Variants in SYT14 observed in about 807,000 individuals in gnomAD.
The protein encoded by SYT14 is synaptotagmin-14.
Under a neutral mutation model 74.2 loss-of-function variants are expected in SYT14, and 32 were observed. The observed-to-expected ratio is 0.43, with a 90% CI of 0.33 to 0.58. The LOEUF is 0.58. Among genes scored for constraint, SYT14 ranks in the 20% least tolerant of loss-of-function variants. SYT14 has a pLI of 0.05. For synonymous variants in SYT14, 298 were observed against 337.7 expected, an observed-to-expected ratio of 0.88 and a Z score of 1.29; for missense variants, 791 against 981.8, an observed-to-expected ratio of 0.81 and a Z score of 2.60.
chr1:210,118,408 A>AT (rs1359225310), intron 7 of SYT14, among the ~76,000 whole-genome samples: 1 of 152,080 alleles, frequency 6.6e-6, no homozygotes, highest in Non-Finnish European at 1.5e-5. Flanking sequence ...AATTATATAT[A>AT]TTTAAGGAAG....
At chr1:209,976,265 T>C (rs1572096666) in intron 2 of SYT14, among the ~76,000 whole-genome samples, 1 of 149,610 alleles carries the variant, frequency 6.7e-6, no homozygotes, top group Non-Finnish European at 1.5e-5. Flanking sequence ...GTGTTTGCTC[T>C]TGCTTCTCTA....
intron 7 of SYT14, among the ~76,000 whole-genome samples, chr1:210,128,215 A>G (rs1241449734): frequency 6.6e-6 from 1 of 152,034 alleles, no homozygotes; most frequent in South Asian, 2.1e-4. Flanking sequence ...TCTACAAAAA[A>G]TGTTTTAAAA....
chr1:210,049,035 G>C (rs2080938995), intron 5 of SYT14, among the ~76,000 whole-genome samples: 1 of 152,216 alleles, frequency 6.6e-6, no homozygotes, highest in Non-Finnish European at 1.5e-5. Flanking sequence ...CAAGGGGTGG[G>C]TTCCTGTGGT....
At chr1:210,010,078 G>T (rs933199363) in intron 2 of SYT14, among the ~76,000 whole-genome samples, 1 of 152,100 alleles carries the variant, frequency 6.6e-6, no homozygotes, top group African/African-American at 2.4e-5. Context: ...CTTAGTTTAA[G>T]AACTGAAGAT....
At chr1:210,135,174 G>GT (rs953111876) in intron 7 of SYT14, among the ~76,000 whole-genome samples, 9 of 152,032 alleles carry the variant, frequency 5.9e-5, no homozygotes, top group Non-Finnish European at 1.0e-4. Flanking sequence ...TAGAGACAGG[G>GT]TTTTGCCATG....
chr1:210,051,571 G>GTGTTT (rs2080997033), intron 5 of SYT14, among the ~76,000 whole-genome samples: 1 of 151,888 alleles, frequency 6.6e-6, no homozygotes, highest in South Asian at 2.1e-4. Context: ...TATCATTCCT[G>GTGTTT]TGTTTTGTTT....
At chr1:209,987,501 TAAAC>T (rs1472041780) in intron 2 of SYT14, among the ~76,000 whole-genome samples, 2 of 152,274 alleles carry the variant, frequency 1.3e-5, no homozygotes, top group Non-Finnish European at 2.9e-5. Context: ...GCTACACACT[TAAAC>T]AATCAGATCT....
At chr1:210,162,248 G>A (rs1307298786) in exon 10 of SYT14, 2 of 427,988 alleles carry the variant, frequency 4.7e-6, no homozygotes, top group Non-Finnish European at 9.4e-6. Flanking sequence ...TTTCATGTAA[G>A]TTAAATTTGC....
At chr1:209,952,801 T>G (rs1429812725) in intron 2 of SYT14, 45 bp downstream of exon 2, 3 of 1,510,940 alleles carry the variant, frequency 2.0e-6, no homozygotes, top group East Asian at 4.5e-5. Flanking sequence ...AAATGAATAC[T>G]TCCAAAGTGT....
intron 1 of SYT14, among the ~76,000 whole-genome samples, chr1:209,945,288 G>T (rs1160230039): frequency 6.6e-6 from 1 of 152,168 alleles, no homozygotes; most frequent in Non-Finnish European, 1.5e-5. Flanking sequence ...GACAGTACTA[G>T]GTGACGCTGA....
intron 5 of SYT14, among the ~76,000 whole-genome samples, chr1:210,032,569 A>G (rs182397650): frequency 1.1e-4 from 17 of 151,994 alleles, no homozygotes; most frequent in Admixed American, 1.0e-3. Context: ...ACCATGTGAA[A>G]TCATACTTGT....
At chr1:210,023,666 A>G (rs2080349952) in intron 5 of SYT14, among the ~76,000 whole-genome samples, 1 of 152,188 alleles carries the variant, frequency 6.6e-6, no homozygotes, top group Non-Finnish European at 1.5e-5. Flanking sequence ...AATCAAAAAT[A>G]AAAAAAGATA....
At chr1:210,104,884 T>C (rs1483623585) in intron 7 of SYT14, among the ~76,000 whole-genome samples, 1 of 152,200 alleles carries the variant, frequency 6.6e-6, no homozygotes, top group Non-Finnish European at 1.5e-5. Context: ...ATCCTTGGTT[T>C]ATTTTCATTA....
At chr1:209,990,321 C>T (rs1229706550) in intron 2 of SYT14, among the ~76,000 whole-genome samples, 1 of 151,666 alleles carries the variant, frequency 6.6e-6, no homozygotes, top group Non-Finnish European at 1.5e-5. Flanking sequence ...AGAAAATTAG[C>T]ATATCAATGG....
chr1:209,983,873 G>T (rs889943677), intron 2 of SYT14, among the ~76,000 whole-genome samples: 2 of 152,114 alleles, frequency 1.3e-5, no homozygotes, highest in East Asian at 3.8e-4. Flanking sequence ...TCTCATTTTT[G>T]GTTAGTAGGT....
chr1:210,063,018 CTAGTTT>C (rs2081233584), intron 5 of SYT14, among the ~76,000 whole-genome samples: 1 of 116,000 alleles, frequency 8.6e-6, no homozygotes, highest in African/African-American at 3.2e-5. Flanking sequence ...AATATTTTTT[CTAGTTT>C]TTTTTTTTTT....
intron 2 of SYT14, among the ~76,000 whole-genome samples, chr1:209,981,216 T>A (rs746147065): frequency 1.6e-4 from 25 of 152,246 alleles, no homozygotes; most frequent in Admixed American, 1.6e-3. Flanking sequence ...ATAGGGTCTA[T>A]GGGCTATGTA....
chr1:210,156,835 G>C, intron 8 of SYT14: 1 of 340,568 alleles, frequency 2.9e-6, no homozygotes, highest in Non-Finnish European at 6.3e-6. Flanking sequence ...TGGGACTACA[G>C]GCACCCACCA....
At chr1:210,083,181 A>G (rs1385627946) in intron 5 of SYT14, among the ~76,000 whole-genome samples, 2 of 152,012 alleles carry the variant, frequency 1.3e-5, no homozygotes, top group African/African-American at 2.4e-5. Flanking sequence ...TAGTAGAGAT[A>G]GGGCCTCACT....
Sources: gnomAD v4.1 joint callset for allele counts (sites outside exome capture counted in the v4.1 genomes callset) on GRCh38, gnomAD v4.1.1 for gene constraint, MANE v1.5 for transcripts, NCBI Gene and HGNC (gene_info 2026-07-23, HGNC 2026-07-21) for gene names.